The following IL1RL2 variants were observed in gnomAD, a reference collection of about 807,000 sequenced individuals.
The protein encoded by IL1RL2 is interleukin 1 receptor like 2.
In IL1RL2, 68 loss-of-function variants were observed where a neutral mutation model predicts 66.8. The observed-to-expected ratio is 1.02, with a 90% CI of 0.84 to 1.25. The LOEUF is 1.25. IL1RL2 is among the 50% of genes most tolerant of loss of function. IL1RL2 has a pLI of 0.00. For missense variants in IL1RL2, 729 were observed against 709.3 expected (o/e 1.03, Z -0.32); for synonymous variants, 305 against 264.6 (o/e 1.15, Z -1.48).
intron 4 of IL1RL2, among the ~76,000 whole-genome samples, chr2:102,195,627 T>TTC (rs1159940295): frequency 1.2e-3 from 18 of 14,642 alleles, no homozygotes; most frequent in East Asian, 4.2e-3. Context: ...CTTTCTTTCT[T>TTC]TCTCTCTCTC....
chr2:102,214,617 C>G (rs1689446383), intron 6 of IL1RL2, among the ~76,000 whole-genome samples: 1 of 152,076 alleles, frequency 6.6e-6, no homozygotes, highest in South Asian at 2.1e-4. Flanking sequence ...AATGTTATTT[C>G]TCTTAGATTA....
At chr2:102,195,157 A>G (rs1480000509) in intron 4 of IL1RL2, among the ~76,000 whole-genome samples, 1 of 152,126 alleles carries the variant, frequency 6.6e-6, no homozygotes, top group African/African-American at 2.4e-5. Context: ...TTCTTTATAG[A>G]TCTGGATATC....
chr2:102,192,150 T>C (rs761857982), intron 4 of IL1RL2, 30 bp downstream of exon 4: 2 of 1,450,626 alleles, frequency 1.4e-6, no homozygotes, highest in Non-Finnish European at 1.9e-6. Flanking sequence ...TTGATATTTT[T>C]CCTCCTTTTC....
chr2:102,239,479 C>A lies in IL1RL2; in HGVS notation c.*238C>A. The A allele has an allele frequency of 2.2e-6, 1 of 449,514 alleles. No individual in the cohort carries two copies. The highest frequency in any genetic ancestry group is 4.1e-6 in the Non-Finnish European group (1 of 242,962). The allele number at this position is 449,514 out of a possible 1,614,324, so 27.8% of individuals were successfully genotyped here. A position where few individuals can be genotyped will look rare whatever the true frequency, so the allele number is the denominator to read the frequency against. On this transcript the variant is annotated 3_prime_UTR_variant, in exon 12 of 12. Coordinates refer to ENST00000264257, the MANE Select transcript of IL1RL2 (RefSeq NM_003854.4). Reference sequence around the variant, plus strand: ...GAGGGTGAGAGCTGGGGGTTATCCCCATGGTCATGGAGGGTGAGGGCTGGT... The same window carrying A: ...GAGGGTGAGAGCTGGGGGTTATCCCAATGGTCATGGAGGGTGAGGGCTGGT...
At chr2:102,187,232 T>C in intron 1 of IL1RL2, 146 bp downstream of exon 1, 3 of 1,200,908 alleles carry the variant, frequency 2.5e-6, no homozygotes, top group Non-Finnish European at 3.2e-6. Context: ...ACCGGCTAGG[T>C]GACCATGGGG....
At chr2:102,233,155 A>T in intron 10 of IL1RL2, 31 bp downstream of exon 10, 1 of 1,588,264 alleles carries the variant, frequency 6.3e-7, no homozygotes, top group Non-Finnish European at 8.6e-7. Context: ...AAAAATAACA[A>T]ATAAAAGAAG....
chr2:102,225,869 T>A (rs935339970), intron 8 of IL1RL2, 29 bp from the exon 9 acceptor site: 51 of 1,455,224 alleles, frequency 3.5e-5, no homozygotes, highest in African/African-American at 2.9e-4. Context: ...TAATTATAAT[T>A]ATTATTATTT....
At chr2:102,205,332 A>G (rs187546601) in intron 5 of IL1RL2, among the ~76,000 whole-genome samples, 21 of 152,264 alleles carry the variant, frequency 1.4e-4, no homozygotes, top group Non-Finnish European at 2.4e-4. Flanking sequence ...TTTTCTGTGT[A>G]CTTATTATAA....
chr2:102,228,100 CT>C (rs1448484393), intron 9 of IL1RL2, among the ~76,000 whole-genome samples: 1 of 152,072 alleles, frequency 6.6e-6, no homozygotes, highest in Non-Finnish European at 1.5e-5. Context: ...GCCAGGGGTC[CT>C]TTTTTTCTTT....
intron 4 of IL1RL2, among the ~76,000 whole-genome samples, chr2:102,196,464 G>A (rs1024190874): frequency 6.6e-6 from 1 of 152,156 alleles, no homozygotes; most frequent in African/African-American, 2.4e-5. Context: ...AAAACCAGAG[G>A]GTTGGAATCA....
intron 8 of IL1RL2, among the ~76,000 whole-genome samples, chr2:102,223,360 G>T (rs1329105766): frequency 6.6e-6 from 1 of 152,150 alleles, no homozygotes; most frequent in Admixed American, 6.5e-5. Context: ...TCTCTAGAAG[G>T]TTGTTTAAAT....
At chr2:102,200,710 A>G (rs1321657454) in intron 4 of IL1RL2, among the ~76,000 whole-genome samples, 1 of 152,082 alleles carries the variant, frequency 6.6e-6, no homozygotes, top group Non-Finnish European at 1.5e-5. Flanking sequence ...CAAGGGATGG[A>G]AGAACTGGTG....
In IL1RL2 at chr2:102,189,057, T is replaced by G. The variant is rs751781996; in HGVS notation, c.59-19T>G. On this transcript the variant is annotated intron_variant, in intron 2 of 11. Coordinates refer to ENST00000264257, the MANE Select transcript of IL1RL2 (RefSeq NM_003854.4). Reference sequence around the variant, plus strand: ...TTTCTTTCATGGATAATTGTTTTGTTTTGTTTTTCTTTCCCTAGATGGATG... The same window carrying G: ...TTTCTTTCATGGATAATTGTTTTGTGTTGTTTTTCTTTCCCTAGATGGATG... 1 of 1,571,898 alleles carries G rather than the reference T, an allele frequency of 6.4e-7. No homozygotes were observed. Among genetic ancestry groups the G allele is most frequent in the East Asian group, 2.2e-5 (1 of 44,530 alleles).
At chr2:102,220,041 CT>C (rs772299633) in intron 8 of IL1RL2, 24 bp downstream of exon 8, 1 of 1,590,274 alleles carries the variant, frequency 6.3e-7, no homozygotes, top group Admixed American at 1.7e-5. Flanking sequence ...GGGTTACACA[CT>C]GTTCAGAGTG....
At chr2:102,201,797 T>C in intron 5 of IL1RL2, 82 bp downstream of exon 5, 1 of 1,326,358 alleles carries the variant, frequency 7.5e-7, no homozygotes, top group Non-Finnish European at 1.1e-6. Context: ...TTTTGGGCTT[T>C]GAGCAGGAGT....
At chr2:102,205,933 T>G (rs575280885) in intron 5 of IL1RL2, among the ~76,000 whole-genome samples, 1 of 152,292 alleles carries the variant, frequency 6.6e-6, no homozygotes, top group South Asian at 2.1e-4. Flanking sequence ...TTATTCTTTT[T>G]TCTTTTGTCT....
Position 102,192,489 on chromosome 2 carries a change from G to T in IL1RL2, c.489+369G>T, listed in dbSNP as rs566393666. 5.9e-5 allele frequency among the ~76,000 whole-genome samples: 9 copies of T among 152,162 alleles called. No individual in the cohort carries two copies. The South Asian group carries it at 1.7e-3, about 28-fold the overall frequency. On this transcript the variant is annotated intron_variant, in intron 4 of 11. Coordinates refer to ENST00000264257, the MANE Select transcript of IL1RL2 (RefSeq NM_003854.4). ...CCTGGAAAACCTCTTTCCTGCTACCGTTCCATATTTGTTCTGGGCTCATCA... is the reference window on the plus strand; with the variant it reads ...CCTGGAAAACCTCTTTCCTGCTACCTTTCCATATTTGTTCTGGGCTCATCA...
At chr2:102,229,423 G>A (rs564483840) in intron 9 of IL1RL2, among the ~76,000 whole-genome samples, 1 of 152,314 alleles carries the variant, frequency 6.6e-6, no homozygotes, top group South Asian at 2.1e-4. Context: ...CACAGCAAAA[G>A]GAGCGGTGGA....
At chr2:102,242,798 T>C (rs921334781), downstream of IL1RL2, among the ~76,000 whole-genome samples, 1 of 152,246 alleles carries the variant, frequency 6.6e-6, no homozygotes, top group Admixed American at 6.5e-5. Context: ...AGTTGACATA[T>C]AAGGTAAACC....
Sources: gnomAD v4.1 joint callset for allele counts (sites outside exome capture counted in the v4.1 genomes callset) on GRCh38, gnomAD v4.1.1 for gene constraint, MANE v1.5 for transcripts, NCBI Gene and HGNC (gene_info 2026-07-23, HGNC 2026-07-21) for gene names.